GALNT13: variants seen among roughly 807,000 people sequenced by gnomAD.
The protein encoded by GALNT13 is polypeptide N-acetylgalactosaminyltransferase 13.
GALNT13 carries 28 observed loss-of-function variants against 64.2 expected under a neutral mutation model. The ratio of observed to expected loss-of-function variants is 0.44; its 90% CI spans 0.32 to 0.60. The LOEUF is 0.60. GALNT13 is among the 20% of genes least tolerant of loss of function. The pLI is 0.05. For missense variants in GALNT13, 577 were observed against 669.8 expected (o/e 0.86, Z 1.53); for synonymous variants, 214 against 224.6 (o/e 0.95, Z 0.42).
intron 8 of GALNT13, among the ~76,000 whole-genome samples, chr2:154,271,347 A>C (rs1691344771): frequency 1.3e-5 from 2 of 152,006 alleles, no homozygotes; most frequent in African/African-American, 2.4e-5. Context: ...TCTTGGAACT[A>C]AACAAACTAA....
the GALNT13 span, among the ~76,000 whole-genome samples, chr2:153,772,139 G>A: frequency 6.6e-6 from 1 of 152,176 alleles, no homozygotes; most frequent in African/African-American, 2.4e-5. Context: ...TTCTGGCTGT[G>A]AGCATTAGTC....
At chr2:153,633,696 A>G in the GALNT13 span, among the ~76,000 whole-genome samples, 5 of 152,108 alleles carry the variant, frequency 3.3e-5, no homozygotes, top group South Asian at 4.1e-4. Context: ...TGAGTGATCT[A>G]TTTCCAAGGA....
the GALNT13 span, among the ~76,000 whole-genome samples, chr2:153,208,973 C>CTTTTTTTTTTTTT: frequency 6.6e-4 from 49 of 74,682 alleles, 7 homozygotes; most frequent in African/African-American, 7.5e-4. Context: ...TGGTTTTGGT[C>CTTTTTTTTTTTTT]TTTTTTTTTT....
the GALNT13 span, among the ~76,000 whole-genome samples, chr2:153,763,277 AG>A: frequency 6.6e-6 from 1 of 152,156 alleles, no homozygotes; most frequent in Non-Finnish European, 1.5e-5. Context: ...ATTTTAAAGA[AG>A]GTCCTCTAGT....
intron 1 of GALNT13, among the ~76,000 whole-genome samples, chr2:153,891,402 A>G (rs944360499): frequency 6.6e-6 from 1 of 151,878 alleles, no homozygotes; most frequent in Non-Finnish European, 1.5e-5. Flanking sequence ...CTAGTCAGAG[A>G]TTGTGCACTT....
chr2:153,163,911 G>C, the GALNT13 span, among the ~76,000 whole-genome samples: 3 of 151,662 alleles, frequency 2.0e-5, no homozygotes, highest in Admixed American at 6.6e-5. Flanking sequence ...CCAGCTACTC[G>C]GGAGGCTGAG....
the GALNT13 span, among the ~76,000 whole-genome samples, chr2:153,865,152 A>C: frequency 2.9e-5 from 3 of 104,022 alleles, no homozygotes; most frequent in Non-Finnish European, 4.0e-5. Context: ...CTTATACAAA[A>C]ATCAATTCAA....
At chr2:153,498,940 C>T in the GALNT13 span, among the ~76,000 whole-genome samples, 2 of 152,098 alleles carry the variant, frequency 1.3e-5, no homozygotes, top group African/African-American at 4.8e-5. Flanking sequence ...CTCCGCCTCC[C>T]GGGTTCACTC....
At chr2:153,522,655 A>C in the GALNT13 span, among the ~76,000 whole-genome samples, 1 of 152,132 alleles carries the variant, frequency 6.6e-6, no homozygotes, top group African/African-American at 2.4e-5. Context: ...CCATGTGTAC[A>C]TCTTCTTTCG....
intron 9 of GALNT13, among the ~76,000 whole-genome samples, chr2:154,327,589 C>G (rs1469445985): frequency 6.6e-6 from 1 of 152,052 alleles, no homozygotes; most frequent in Non-Finnish European, 1.5e-5. Context: ...ATGGAGTACT[C>G]TTTAATTTTA....
chr2:153,973,832 G>C (rs1228839677), intron 3 of GALNT13, among the ~76,000 whole-genome samples: 1 of 151,930 alleles, frequency 6.6e-6, no homozygotes, highest in East Asian at 1.9e-4. Context: ...GGAATTAGAT[G>C]AACATGACCA....
chr2:154,339,935 T>C (rs1328912372), intron 9 of GALNT13, among the ~76,000 whole-genome samples: 1 of 152,150 alleles, frequency 6.6e-6, no homozygotes, highest in Non-Finnish European at 1.5e-5. Context: ...CAATGCATGT[T>C]TTGTAAATAT....
At chr2:153,522,834 C>T in the GALNT13 span, among the ~76,000 whole-genome samples, 1 of 152,154 alleles carries the variant, frequency 6.6e-6, no homozygotes, top group East Asian at 1.9e-4. Flanking sequence ...GTGTCTTTTG[C>T]AGAACAAAAG....
At chr2:153,785,211 C>T in the GALNT13 span, among the ~76,000 whole-genome samples, 1 of 152,190 alleles carries the variant, frequency 6.6e-6, no homozygotes, top group Admixed American at 6.5e-5. Flanking sequence ...CAGCACAGCA[C>T]AGCTGCTCTC....
At chr2:153,714,107 T>A in the GALNT13 span, among the ~76,000 whole-genome samples, 1 of 152,194 alleles carries the variant, frequency 6.6e-6, no homozygotes, top group Non-Finnish European at 1.5e-5. Flanking sequence ...CCTCAAACCT[T>A]TCCTATATCA....
intron 2 of GALNT13, among the ~76,000 whole-genome samples, chr2:153,901,392 A>AATC (rs1478678111): frequency 6.6e-6 from 1 of 152,152 alleles, no homozygotes; most frequent in African/African-American, 2.4e-5. Flanking sequence ...AATAGTATTG[A>AATC]ATCTGTAAAT....
chr2:153,215,512 A>T, the GALNT13 span, among the ~76,000 whole-genome samples: 1 of 152,120 alleles, frequency 6.6e-6, no homozygotes, highest in African/African-American at 2.4e-5. Flanking sequence ...CAAAATCCAT[A>T]TTGCTCCCTT....
At chr2:154,321,709 T>A (rs1408850002) in intron 9 of GALNT13, among the ~76,000 whole-genome samples, 1 of 151,988 alleles carries the variant, frequency 6.6e-6, no homozygotes, top group Non-Finnish European at 1.5e-5. Context: ...CTTACTGAAT[T>A]GTAAATAATA....
intron 12 of GALNT13, chr2:154,446,028 G>A (rs1295535855): frequency 5.5e-6 from 2 of 363,666 alleles, no homozygotes; most frequent in Middle Eastern, 1.0e-3. Flanking sequence ...AACAAAGGTG[G>A]CAATGTACAT....
Sources: allele counts gnomAD v4.1 joint callset (sites outside exome capture counted in the v4.1 genomes callset), GRCh38; gene constraint gnomAD v4.1.1; transcripts MANE v1.5; gene names NCBI Gene and HGNC (gene_info 2026-07-23, HGNC 2026-07-21).